DDX31: variants seen among roughly 807,000 people sequenced by gnomAD.
The protein encoded by DDX31 is ATP-dependent DNA helicase DDX31.
DDX31 carries 70 observed loss-of-function variants against 91.3 expected under a neutral mutation model. The observed-to-expected ratio is 0.77, with a 90% confidence interval of 0.63 to 0.94. The LOEUF is 0.94. Ranked by LOEUF, DDX31 falls within the 40% of genes least tolerant of loss-of-function variation. The probability of loss-of-function intolerance (pLI) is 0.00; values close to 1 mark genes in which losing one functional copy is unlikely to be tolerated. For missense variants in DDX31, 902 were observed against 925.0 expected, an observed-to-expected ratio of 0.98 and a Z score of 0.32; for synonymous variants, 362 against 350.6, an observed-to-expected ratio of 1.03 and a Z score of -0.36.
chr9:132,605,760 A>G (rs114898371), intron 19 of DDX31, among the ~76,000 whole-genome samples: 1,937 of 152,266 alleles, frequency 0.013, 35 homozygotes, highest in African/African-American at 0.044. Flanking sequence ...GATAAGAAAC[A>G]GGGGTGTGGG....
intron 19 of DDX31, among the ~76,000 whole-genome samples, chr9:132,598,679 C>G (rs536164408): frequency 1.3e-3 from 193 of 152,350 alleles, no homozygotes; most frequent in Non-Finnish European, 2.3e-3. Context: ...AAAACCCATT[C>G]TAATTCAGGC....
Position 132,625,699 on chromosome 9 carries a change from CTCT to C in DDX31, c.1675_1677del (p.Arg559del). The C allele has an allele frequency of 6.2e-7, 1 of 1,614,032 alleles. No individual in the cohort carries two copies. The highest frequency in any genetic ancestry group is 8.5e-7 in the Non-Finnish European group (1 of 1,179,988). ...CATCGTTTCCCTTTAAAACAATCAT[CTCT>C]TGTCAGAACACACAAAATATCTTCC... On this transcript the variant is annotated inframe_deletion, in exon 17 of 20. Coordinates refer to ENST00000372159, the MANE Select transcript of DDX31 (RefSeq NM_022779.9).
rs976847718 is a variant in DDX31 at position 132,651,246 on chromosome 9, C to T, written c.634-130G>A. 12 of 744,310 alleles carry T rather than the reference C, an allele frequency of 1.6e-5. No individual in the cohort carries two copies. The African/African-American group carries it at 2.0e-4, about 12-fold the overall frequency. 46.1% of individuals were successfully genotyped at this position (744,310 alleles called of 1,614,324 possible). On this transcript the variant is annotated intron_variant, in intron 7 of 19. Transcript: ENST00000372159. ...ATTTAAGAAGAAAAAAAATCCTATA[C>T]ACAGAATCTAATATACCTTGTTCTT... is the stretch of plus-strand genomic sequence containing the variant.
intron 15 of DDX31, 64 bp from the exon 16 acceptor site, chr9:132,630,467 A>G (rs1379558507): frequency 1.4e-6 from 2 of 1,466,940 alleles, no homozygotes; most frequent in East Asian, 4.7e-5. Flanking sequence ...TTGGAAGTGC[A>G]ATACTCCTCA....
In DDX31 at chr9:132,594,112, C is replaced by T. The variant is rs1305014925; in HGVS notation, c.*754G>A. On this transcript the variant is annotated 3_prime_UTR_variant, in exon 20 of 20. Coordinates refer to ENST00000372159, the MANE Select transcript of DDX31 (RefSeq NM_022779.9). ...CCTTTCTTGAAGACAAGACAGGATT[C>T]GATAGGGAAAAAAAGCTTGGGATAC... The T allele has an allele frequency of 2.6e-5, 4 of 151,900 alleles. No individual in the cohort carries two copies. Among genetic ancestry groups the T allele is most frequent in the Non-Finnish European group, 5.9e-5 (4 of 68,008 alleles). 9.4% of individuals were successfully genotyped at this position (151,900 alleles called of 1,614,324 possible). A position where few individuals can be genotyped will look rare whatever the true frequency, so the allele number is the denominator to read the frequency against.
At chr9:132,617,314 C>T (rs949820426) in intron 18 of DDX31, among the ~76,000 whole-genome samples, 7 of 152,114 alleles carry the variant, frequency 4.6e-5, no homozygotes, top group African/African-American at 7.2e-5. Flanking sequence ...CCTTCACCTC[C>T]CCCATCTCCT....
intron 14 of DDX31, among the ~76,000 whole-genome samples, chr9:132,636,624 A>G (rs1833134615): frequency 6.6e-6 from 1 of 152,186 alleles, no homozygotes; most frequent in African/African-American, 2.4e-5. Flanking sequence ...TCAAGGCTCT[A>G]TTTCCTACCT....
At chr9:132,597,181 A>T (rs918901814) in intron 19 of DDX31, among the ~76,000 whole-genome samples, 4 of 152,084 alleles carry the variant, frequency 2.6e-5, no homozygotes, top group Admixed American at 2.6e-4. Context: ...GAGAGCATCC[A>T]CCACTTCCCT....
At position 132,668,431 on chromosome 9, in the gene DDX31, C is replaced by A. The variant is rs531592206; in HGVS notation, c.75+1429G>T. On this transcript the variant is annotated intron_variant, in intron 1 of 19. Coordinates refer to ENST00000372159, the MANE Select transcript of DDX31 (RefSeq NM_022779.9). ...GTCCTCATTCCTGAAACAAACGAAC[C>A]TTCCTCATGGCGACCAAAAGAGTTA... Among the ~76,000 whole-genome samples, 5 of 152,260 alleles carry A rather than the reference C, an allele frequency of 3.3e-5. No homozygotes were observed. The East Asian group carries it at 9.6e-4, about 29-fold the overall frequency.
At chr9:132,649,084 T>A (rs920396413) in intron 9 of DDX31, among the ~76,000 whole-genome samples, 24 of 152,306 alleles carry the variant, frequency 1.6e-4, no homozygotes, top group African/African-American at 5.8e-4. Flanking sequence ...TCCACCGTAA[T>A]AAAAGCTTCC....
intron 6 of DDX31, chr9:132,658,451 C>T: frequency 1.4e-6 from 1 of 690,080 alleles, no homozygotes; most frequent in Non-Finnish European, 2.6e-6. Flanking sequence ...TCTTACAAAG[C>T]TTCCCTGTTA....
chr9:132,665,643 T>C (rs760994286), intron 1 of DDX31, among the ~76,000 whole-genome samples: 1 of 152,186 alleles, frequency 6.6e-6, no homozygotes, highest in Non-Finnish European at 1.5e-5. Context: ...AAAAATTCGT[T>C]TGAGTCTCTG....
chr9:132,666,364 AAAC>A (rs1020769444), intron 1 of DDX31, among the ~76,000 whole-genome samples: 5 of 152,158 alleles, frequency 3.3e-5, no homozygotes, highest in Non-Finnish European at 1.5e-5. Flanking sequence ...AAAAAAAAGA[AAAC>A]ATCATGTGTA....
At position 132,662,381 on chromosome 9, in the gene DDX31, CAAAGA is replaced by C. The variant is rs771434362; in HGVS notation, c.333-50_333-46del. ...ACCCAGGCATCAGTGCCAATATTAA[CAAAGA>C]AAAGGCAGAACACATTTTTTTCTTC... On this transcript the variant is annotated intron_variant, in intron 2 of 19. Coordinates refer to ENST00000372159, the MANE Select transcript of DDX31 (RefSeq NM_022779.9). 5.6e-6 allele frequency: 9 copies of C among 1,613,984 alleles called. No individual in the cohort carries two copies. The South Asian group carries it at 8.8e-5, about 16-fold the overall frequency.
chr9:132,635,644 T>G (rs536189466), intron 14 of DDX31, among the ~76,000 whole-genome samples: 45 of 151,378 alleles, frequency 3.0e-4, no homozygotes, highest in African/African-American at 1.1e-3. Flanking sequence ...TATGCAAAAT[T>G]TCTATAAGAA....
chr9:132,647,664 GGGTGGATCT>G (rs1833921588), intron 11 of DDX31, among the ~76,000 whole-genome samples: 1 of 152,156 alleles, frequency 6.6e-6, no homozygotes, highest in Non-Finnish European at 1.5e-5. Flanking sequence ...TCACTGTGTG[GGGTGGATCT>G]GGTAGAGTGA....
intron 3 of DDX31, among the ~76,000 whole-genome samples, chr9:132,661,702 G>A (rs1328783216): frequency 6.6e-6 from 1 of 152,176 alleles, no homozygotes; most frequent in Admixed American, 6.5e-5. Context: ...AACCAAGCCT[G>A]CCTAAAAGTT....
intron 15 of DDX31, among the ~76,000 whole-genome samples, chr9:132,631,670 G>A (rs141391803): frequency 0.017 from 2,606 of 152,302 alleles, 42 homozygotes; most frequent in Middle Eastern, 0.092. Context: ...GCAGGTCAAC[G>A]TACACGGACA....
intron 1 of DDX31, among the ~76,000 whole-genome samples, chr9:132,668,350 G>A (rs1382696369): frequency 6.6e-6 from 1 of 152,110 alleles, no homozygotes; most frequent in Admixed American, 6.6e-5. Flanking sequence ...TCCATTGCAT[G>A]GGGATGAAAA....
Sources: allele counts gnomAD v4.1 joint callset (sites outside exome capture counted in the v4.1 genomes callset), GRCh38; gene constraint gnomAD v4.1.1; transcripts MANE v1.5; gene names NCBI Gene and HGNC (gene_info 2026-07-23, HGNC 2026-07-21).